IQCM: variants seen among roughly 807,000 people sequenced by gnomAD.
The protein encoded by IQCM is IQ domain-containing protein M.
IQCM carries 45 observed loss-of-function variants against 57.6 expected under a neutral mutation model. The ratio of observed to expected loss-of-function variants is 0.78; its 90% CI spans 0.62 to 1.00. The LOEUF (loss-of-function observed/expected upper bound fraction) is 1.00. IQCM is among the 50% of genes least tolerant of loss of function. The pLI is 0.00. For missense variants in IQCM, 468 were observed against 511.6 expected, an observed-to-expected ratio of 0.91 and a Z score of 0.82; for synonymous variants, 148 against 158.9, an observed-to-expected ratio of 0.93 and a Z score of 0.51.
intron 12 of IQCM, among the ~76,000 whole-genome samples, chr4:149,451,417 G>T (rs1737108195): frequency 6.6e-6 from 1 of 151,660 alleles, no homozygotes; most frequent in Admixed American, 6.6e-5. Context: ...ATTATGCATT[G>T]CATGTCTGTA....
At chr4:149,762,300 A>G (rs1417008596) in intron 2 of IQCM, among the ~76,000 whole-genome samples, 1 of 152,066 alleles carries the variant, frequency 6.6e-6, no homozygotes, top group Non-Finnish European at 1.5e-5. Flanking sequence ...ACAGGCCTCA[A>G]AAAACCATTA....
intron 7 of IQCM, among the ~76,000 whole-genome samples, chr4:149,631,036 T>A (rs1043288329): frequency 6.6e-6 from 1 of 152,196 alleles, no homozygotes; most frequent in Non-Finnish European, 1.5e-5. Context: ...TTGCTGAATA[T>A]CTGCTTTCCT....
At chr4:149,774,084 T>A (rs1392695498) in intron 2 of IQCM, among the ~76,000 whole-genome samples, 2 of 152,200 alleles carry the variant, frequency 1.3e-5, no homozygotes, top group African/African-American at 2.4e-5. Context: ...GTCATTCATA[T>A]AAGAAAATCG....
At chr4:149,491,381 A>C (rs1273729864) in intron 12 of IQCM, among the ~76,000 whole-genome samples, 1 of 152,082 alleles carries the variant, frequency 6.6e-6, no homozygotes, top group Non-Finnish European at 1.5e-5. Flanking sequence ...TTTTGAACTT[A>C]TTATTCCTAA....
Position 149,435,384 on chromosome 4 carries a change from A to C in IQCM, c.1229-1827T>G, listed in dbSNP as rs150428122. On this transcript the variant is annotated intron_variant, in intron 12 of 13. Transcript: ENST00000636793. ...GTCCTGGCTGTGGTAACATTGTAGC[A>C]CAATGAATTACTCACATGTTTATGA... 4.8e-3 allele frequency among the ~76,000 whole-genome samples: 735 copies of C among 152,202 alleles called. 6 individuals are homozygous for C. Among genetic ancestry groups the C allele is most frequent in the African/African-American group, 0.017 (701 of 41,556 alleles).
intron 9 of IQCM, among the ~76,000 whole-genome samples, chr4:149,565,003 G>GT (rs1750478705): frequency 6.6e-6 from 1 of 152,028 alleles, no homozygotes. Flanking sequence ...ATGATAGCCA[G>GT]TTTTTTTCAA....
intron 2 of IQCM, among the ~76,000 whole-genome samples, chr4:149,775,040 CAAAAAAAAA>C (rs35383107): frequency 4.1e-4 from 36 of 87,044 alleles, no homozygotes; most frequent in African/African-American, 1.3e-3. Flanking sequence ...TTCTTTTTGC[CAAAAAAAAA>C]AAAAAAAAAA....
intron 8 of IQCM, among the ~76,000 whole-genome samples, chr4:149,588,259 T>A (rs182815730): frequency 1.3e-5 from 2 of 151,952 alleles, no homozygotes; most frequent in Admixed American, 1.3e-4. Context: ...ATATTATAGA[T>A]CAGAATTTTA....
intron 11 of IQCM, among the ~76,000 whole-genome samples, chr4:149,552,235 TAGTG>T (rs904982139): frequency 3.5e-4 from 53 of 152,326 alleles, no homozygotes; most frequent in African/African-American, 1.1e-3. Flanking sequence ...ATTTGCTAGA[TAGTG>T]AGTATTTACT....
At chr4:149,657,398 G>A (rs1291452143) in intron 7 of IQCM, among the ~76,000 whole-genome samples, 2 of 151,972 alleles carry the variant, frequency 1.3e-5, no homozygotes, top group Non-Finnish European at 2.9e-5. Flanking sequence ...ACCACATTTT[G>A]TCTACCATTC....
chr4:149,535,841 G>A (rs1747239428), intron 12 of IQCM, among the ~76,000 whole-genome samples: 2 of 151,982 alleles, frequency 1.3e-5, no homozygotes, highest in South Asian at 4.1e-4. Flanking sequence ...GAAAGTGGAG[G>A]GGAAGAAAAA....
At chr4:149,471,195 A>C (rs1739498781) in intron 12 of IQCM, among the ~76,000 whole-genome samples, 1 of 152,170 alleles carries the variant, frequency 6.6e-6, no homozygotes, top group Non-Finnish European at 1.5e-5. Flanking sequence ...TTTTTTGAAA[A>C]GATCAACAAA....
rs1019796890 is a variant in IQCM, at chr4:149,472,580, C to G, written c.1229-39023G>C. On this transcript the variant is annotated intron_variant, in intron 12 of 13. Transcript: ENST00000636793. ...TTTATAGATTCAATACCATCTCCAT[C>G]AAGCTACCAATGACTTTCTTCACAG... is the stretch of plus-strand genomic sequence containing the variant. Among the ~76,000 whole-genome samples, 30 of 152,170 alleles carry G rather than the reference C, an allele frequency of 2.0e-4. 1 individual carries two copies. Among genetic ancestry groups the G allele is most frequent in the Non-Finnish European group, 1.2e-4 (8 of 68,024 alleles).
intron 7 of IQCM, among the ~76,000 whole-genome samples, chr4:149,676,326 G>T (rs1034934210): frequency 6.6e-6 from 1 of 152,060 alleles, no homozygotes; most frequent in Non-Finnish European, 1.5e-5. Flanking sequence ...TGTTGTGATG[G>T]GGTATGTCTT....
At chr4:149,715,492 G>C (rs887058669) in intron 5 of IQCM, among the ~76,000 whole-genome samples, 3 of 152,128 alleles carry the variant, frequency 2.0e-5, no homozygotes, top group Admixed American at 2.0e-4. Context: ...GTCCTGGCTT[G>C]GGGAGCTCCT....
intron 13 of IQCM, among the ~76,000 whole-genome samples, chr4:149,413,153 C>T (rs1733505291): frequency 6.6e-6 from 1 of 152,154 alleles, no homozygotes; most frequent in African/African-American, 2.4e-5. Flanking sequence ...AATAGAAATG[C>T]TAAGATTGCC....
At chr4:149,653,236 A>G in intron 7 of IQCM, among the ~76,000 whole-genome samples, 1 of 152,142 alleles carries the variant, frequency 6.6e-6, no homozygotes, top group Non-Finnish European at 1.5e-5. Context: ...AGATGGCAGC[A>G]GGTGTGGCCA....
chr4:149,714,215 T>C (rs1764801469), intron 5 of IQCM, among the ~76,000 whole-genome samples: 1 of 152,208 alleles, frequency 6.6e-6, no homozygotes, highest in South Asian at 2.1e-4. Context: ...CTTCACTCAG[T>C]ATCCTGCACA....
chr4:149,419,881 A>G (rs1734005829), intron 13 of IQCM, among the ~76,000 whole-genome samples: 1 of 152,154 alleles, frequency 6.6e-6, no homozygotes, highest in Non-Finnish European at 1.5e-5. Context: ...GCCAACAAAC[A>G]TATGAAAAGA....
Sources: gnomAD v4.1 joint callset for allele counts (sites outside exome capture counted in the v4.1 genomes callset) on GRCh38, gnomAD v4.1.1 for gene constraint, MANE v1.5 for transcripts, NCBI Gene and HGNC (gene_info 2026-07-23, HGNC 2026-07-21) for gene names.